Variants in GRM3 observed in about 807,000 individuals in gnomAD.
GRM3 encodes glutamate metabotropic receptor 3.
A neutral mutation model predicts 70.5 loss-of-function variants in GRM3; 26 were observed. The ratio of observed to expected loss-of-function variants is 0.37; its 90% CI spans 0.27 to 0.51. GRM3 has a LOEUF of 0.51. Ranked by LOEUF, GRM3 falls within the 20% of genes least tolerant of loss-of-function variation. The pLI, the probability that GRM3 is intolerant of heterozygous loss-of-function variation, is 0.93. For synonymous variants in GRM3, 443 were observed against 434.9 expected (o/e 1.02, Z -0.23); for missense variants, 859 against 1,123.8 (o/e 0.76, Z 3.37).
chr7:86,806,063 G>C (rs980987700), intron 3 of GRM3, among the ~76,000 whole-genome samples: 1 of 151,994 alleles, frequency 6.6e-6, no homozygotes, highest in South Asian at 2.1e-4. Context: ...CCATGTCCCT[G>C]CAAAGGACAT....
At chr7:86,840,989 T>G (rs1331238851) in intron 4 of GRM3, among the ~76,000 whole-genome samples, 4 of 152,168 alleles carry the variant, frequency 2.6e-5, no homozygotes, top group African/African-American at 9.6e-5. Context: ...CTACATTGTA[T>G]TCTTAAAAAT....
chr7:86,647,048 G>T lies in GRM3; in HGVS notation c.-141+2176G>T, dbSNP rs539117730. Among the ~76,000 whole-genome samples the T allele has an allele frequency of 4.6e-5, 7 of 152,280 alleles. No individual in the cohort carries two copies. In the East Asian group the frequency reaches 1.3e-3, roughly 29 times the overall value. ...TATAACGAAATTGATTGAGCTTTATGTTTAAGTTGAAATTAATATTTGTAT... is the reference window on the plus strand; with the variant it reads ...TATAACGAAATTGATTGAGCTTTATTTTTAAGTTGAAATTAATATTTGTAT... On this transcript the variant is annotated intron_variant, in intron 1 of 5. Transcript: ENST00000361669.
intron 1 of GRM3, among the ~76,000 whole-genome samples, chr7:86,655,924 C>A (rs73396501): frequency 6.6e-6 from 1 of 151,594 alleles, no homozygotes; most frequent in South Asian, 2.1e-4. Context: ...TCAGTTTCCT[C>A]GACACAAATT....
chr7:86,767,337 A>G (rs1796623534), intron 2 of GRM3, among the ~76,000 whole-genome samples: 4 of 151,686 alleles, frequency 2.6e-5, no homozygotes, highest in Admixed American at 2.6e-4. Flanking sequence ...TTACACCATC[A>G]TGTTATGAGT....
intron 3 of GRM3, among the ~76,000 whole-genome samples, chr7:86,828,061 G>A (rs1021109099): frequency 1.4e-4 from 20 of 142,134 alleles, no homozygotes; most frequent in Non-Finnish European, 2.5e-4. Flanking sequence ...GCAGTGAGCC[G>A]AGATCGTGCC....
chr7:86,681,710 C>T (rs1270099977), intron 1 of GRM3, among the ~76,000 whole-genome samples: 1 of 152,074 alleles, frequency 6.6e-6, no homozygotes, highest in Non-Finnish European at 1.5e-5. Flanking sequence ...TATGGGTTTT[C>T]CTGGTTTGAA....
At chr7:86,698,677 A>C (rs915387640) in intron 1 of GRM3, among the ~76,000 whole-genome samples, 2 of 151,792 alleles carry the variant, frequency 1.3e-5, no homozygotes, top group Admixed American at 6.6e-5. Flanking sequence ...TAAAAACTGG[A>C]AAAAGTGGTG....
chr7:86,751,506 CA>C (rs1252326280), intron 1 of GRM3, among the ~76,000 whole-genome samples: 1 of 152,062 alleles, frequency 6.6e-6, no homozygotes, highest in Admixed American at 6.6e-5. Flanking sequence ...ATTTTTTGAA[CA>C]GTGGAACATA....
At chr7:86,742,550 A>C (rs922931024) in intron 1 of GRM3, among the ~76,000 whole-genome samples, 1 of 152,136 alleles carries the variant, frequency 6.6e-6, no homozygotes, top group Non-Finnish European at 1.5e-5. Flanking sequence ...AAAATAGAAG[A>C]TGTAAGAGGA....
At chr7:86,659,697 T>A (rs1793843450) in intron 1 of GRM3, among the ~76,000 whole-genome samples, 1 of 152,068 alleles carries the variant, frequency 6.6e-6, no homozygotes, top group Non-Finnish European at 1.5e-5. Flanking sequence ...TATAGGTTTT[T>A]GAGCAGAGTG....
At chr7:86,671,213 T>A (rs1457682128) in intron 1 of GRM3, among the ~76,000 whole-genome samples, 3 of 152,196 alleles carry the variant, frequency 2.0e-5, no homozygotes, top group Admixed American at 2.0e-4. Flanking sequence ...GATAAGTTTT[T>A]TGTTTTCCCC....
chr7:86,758,260 T>C (rs1796395437), intron 1 of GRM3, among the ~76,000 whole-genome samples: 1 of 152,154 alleles, frequency 6.6e-6, no homozygotes, highest in South Asian at 2.1e-4. Flanking sequence ...TTGGTAAAAA[T>C]ATCCTCCTAA....
At chr7:86,726,082 A>C (rs1346716162) in intron 1 of GRM3, among the ~76,000 whole-genome samples, 1 of 152,206 alleles carries the variant, frequency 6.6e-6, no homozygotes, top group East Asian at 1.9e-4. Context: ...TGCTAGAGTG[A>C]CATTGTTCAG....
intron 1 of GRM3, among the ~76,000 whole-genome samples, chr7:86,761,781 G>A (rs1253311088): frequency 6.6e-6 from 1 of 152,026 alleles, no homozygotes; most frequent in Non-Finnish European, 1.5e-5. Flanking sequence ...CTATTAATCT[G>A]TTCCTTCCCT....
At chr7:86,645,239 C>T (rs1438700740) in intron 1 of GRM3, among the ~76,000 whole-genome samples, 2 of 152,114 alleles carry the variant, frequency 1.3e-5, no homozygotes, top group Non-Finnish European at 2.9e-5. Context: ...TGGGGGCTCC[C>T]TAAGGCTTTG....
rs2115564827 is a variant in GRM3, at chr7:86,850,535, T to C, written c.2557T>C (p.Tyr853His). The C allele has an allele frequency of 1.2e-6, 2 of 1,603,198 alleles. No homozygotes were observed. Among genetic ancestry groups the C allele is most frequent in the African/African-American group, 1.3e-5 (1 of 74,762 alleles). Residue 853 changes from tyrosine (Y) to histidine (H), a missense_variant, in exon 5 of 6, where the codon TAC (tyrosine) becomes CAC (histidine). Physicochemically the swap from Tyr to His is moderately conservative, Grantham distance 83. Coordinates refer to ENST00000361669, the MANE Select transcript of GRM3 (RefSeq NM_000840.3). Reference protein sequence around the residue: ...RFSVSGTGTTYSQSSASTYVP... With the variant: ...RFSVSGTGTTHSQSSASTYVP... The stretch of plus-strand genomic sequence containing the variant: ...CAGTGTCAGTGGAACTGGGACCACA[T>C]ACTCTCAGTGTAAGTATGGAACTCA...
intron 3 of GRM3, among the ~76,000 whole-genome samples, chr7:86,801,970 C>T (rs1230450647): frequency 6.6e-6 from 1 of 152,032 alleles, no homozygotes; most frequent in Non-Finnish European, 1.5e-5. Context: ...TGGTTGTGAT[C>T]CTTGGTCTAT....
At chr7:86,767,232 A>G (rs1184399542) in intron 2 of GRM3, among the ~76,000 whole-genome samples, 1 of 151,936 alleles carries the variant, frequency 6.6e-6, no homozygotes, top group Admixed American at 6.6e-5. Flanking sequence ...AATGTAAATA[A>G]TGATAAATAT....
At chr7:86,857,451 CT>C (rs1562884134) in intron 5 of GRM3, among the ~76,000 whole-genome samples, 1 of 152,072 alleles carries the variant, frequency 6.6e-6, no homozygotes, top group Non-Finnish European at 1.5e-5. Context: ...TAAATTTTGG[CT>C]GTGTGGGCAA....
Sources: allele counts gnomAD v4.1 joint callset (sites outside exome capture counted in the v4.1 genomes callset), GRCh38; gene constraint gnomAD v4.1.1; transcripts MANE v1.5; gene names NCBI Gene and HGNC (gene_info 2026-07-23, HGNC 2026-07-21).